Variants in GRM7 observed in about 807,000 individuals in gnomAD.
GRM7 encodes glutamate metabotropic receptor 7, also known as metabotropic glutamate receptor 7.
GRM7 carries 35 observed loss-of-function variants against 84.5 expected under a neutral mutation model. That is an observed-to-expected ratio of 0.41 (90% CI 0.32 to 0.55). The LOEUF (loss-of-function observed/expected upper bound fraction) is 0.55, where lower values mean the gene tolerates loss of function less well. Among genes scored for constraint, GRM7 ranks in the 20% least tolerant of loss-of-function variants. The pLI, the probability that GRM7 is intolerant of heterozygous loss-of-function variation, is 0.19. For synonymous variants in GRM7, 487 were observed against 455.1 expected (o/e 1.07, Z -0.89); for missense variants, 1,003 against 1,194.6 (o/e 0.84, Z 2.36).
chr3:7,247,301 A>G lies in GRM7; in HGVS notation c.737-51383A>G, dbSNP rs368559750. Reference sequence around the variant, plus strand: ...ACAAAAAATTGGTAGGCTAGACACCATAGCTCATTCCTGTAATCCCAGCAC... The same window carrying G: ...ACAAAAAATTGGTAGGCTAGACACCGTAGCTCATTCCTGTAATCCCAGCAC... On this transcript the variant is annotated intron_variant, in intron 2 of 9. Coordinates refer to ENST00000357716, the MANE Select transcript of GRM7 (RefSeq NM_000844.4). Among the ~76,000 whole-genome samples the G allele has an allele frequency of 5.9e-4, 90 of 152,258 alleles. 5 individuals are homozygous for G. The South Asian group carries it at 0.014, about 24-fold the overall frequency.
chr3:7,225,578 A>C (rs145145053), intron 2 of GRM7, among the ~76,000 whole-genome samples: 1 of 148,450 alleles, frequency 6.7e-6, no homozygotes, highest in African/African-American at 2.4e-5. Flanking sequence ...AATATTAAAG[A>C]AATTAATATA....
intron 2 of GRM7, among the ~76,000 whole-genome samples, chr3:7,180,620 C>T (rs992281250): frequency 2.0e-5 from 3 of 152,064 alleles, no homozygotes; most frequent in Non-Finnish European, 4.4e-5. Context: ...TTCAAATAGA[C>T]CCCAAGTTAA....
chr3:7,463,424 C>A (rs1438795912), intron 7 of GRM7, among the ~76,000 whole-genome samples: 1 of 152,136 alleles, frequency 6.6e-6, no homozygotes, highest in Admixed American at 6.5e-5. Context: ...AGCTATTCAA[C>A]AAGTTTTTGT....
intron 5 of GRM7, among the ~76,000 whole-genome samples, chr3:7,426,140 A>G (rs1036813140): frequency 2.8e-5 from 4 of 142,774 alleles, no homozygotes; most frequent in African/African-American, 1.1e-4. Flanking sequence ...TTTTTTTGAG[A>G]TGGAGTTTTG....
At chr3:7,334,728 A>T (rs550169372) in intron 4 of GRM7, among the ~76,000 whole-genome samples, 11 of 152,274 alleles carry the variant, frequency 7.2e-5, no homozygotes, top group South Asian at 4.1e-4. Context: ...TTAAAAAAAG[A>T]TATTCCATGC....
At chr3:7,134,095 A>G (rs909143443) in intron 1 of GRM7, among the ~76,000 whole-genome samples, 2 of 152,160 alleles carry the variant, frequency 1.3e-5, no homozygotes, top group South Asian at 2.1e-4. Context: ...GTATATTAGC[A>G]TGGAATGTGC....
chr3:7,387,961 T>C (rs1694849533), intron 4 of GRM7, among the ~76,000 whole-genome samples: 1 of 152,174 alleles, frequency 6.6e-6, no homozygotes, highest in Admixed American at 6.5e-5. Flanking sequence ...ATCTATGATT[T>C]CCTTAAGCAG....
At chr3:7,264,899 A>G (rs1412640135) in intron 2 of GRM7, among the ~76,000 whole-genome samples, 2 of 152,192 alleles carry the variant, frequency 1.3e-5, no homozygotes, top group East Asian at 3.9e-4. Context: ...CCTGCTATAG[A>G]GTTGAGAGTC....
Position 7,635,958 on chromosome 3 carries a change from G to A in GRM7, c.2452-44091G>A, listed in dbSNP as rs112209528. On this transcript the variant is annotated intron_variant, in intron 8 of 9. Transcript: ENST00000357716. The stretch of plus-strand genomic sequence containing the variant: ...CCAAAAGAACTGAGATTACAGGTGT[G>A]CGCCATTGCAGCTGGCTGTTTCAAA... Among the ~76,000 whole-genome samples, 608 of 152,260 alleles carry A rather than the reference G, an allele frequency of 4.0e-3. 6 individuals carry two copies. The highest frequency in any genetic ancestry group is 0.014 in the African/African-American group (570 of 41,544).
chr3:7,234,720 G>T (rs1697295546), intron 2 of GRM7, among the ~76,000 whole-genome samples: 1 of 152,016 alleles, frequency 6.6e-6, no homozygotes, highest in Non-Finnish European at 1.5e-5. Context: ...GTGATCATTA[G>T]TTTAAAAAAA....
At chr3:7,670,020 G>T (rs760866879) in intron 8 of GRM7, among the ~76,000 whole-genome samples, 7 of 146,958 alleles carry the variant, frequency 4.8e-5, no homozygotes, top group Non-Finnish European at 7.4e-5. Flanking sequence ...ACCCCAATGG[G>T]CAATTCAACT....
intron 5 of GRM7, among the ~76,000 whole-genome samples, chr3:7,427,723 C>T (rs1696668021): frequency 6.6e-6 from 1 of 151,960 alleles, no homozygotes; most frequent in African/African-American, 2.4e-5. Flanking sequence ...AAGGTAAAAC[C>T]CCAATTGATC....
At chr3:6,865,550 T>A (rs1227825587) in intron 1 of GRM7, among the ~76,000 whole-genome samples, 2 of 149,016 alleles carry the variant, frequency 1.3e-5, no homozygotes, top group East Asian at 3.9e-4. Context: ...CAGGTGGATT[T>A]TTTTTTTTTT....
At chr3:7,199,203 C>G (rs1695981840) in intron 2 of GRM7, among the ~76,000 whole-genome samples, 1 of 152,204 alleles carries the variant, frequency 6.6e-6, no homozygotes, top group South Asian at 2.1e-4. Flanking sequence ...CTGGTAGCCT[C>G]TGCTTTCTCT....
intron 7 of GRM7, among the ~76,000 whole-genome samples, chr3:7,532,051 G>A (rs985404151): frequency 6.6e-6 from 1 of 152,136 alleles, no homozygotes. Flanking sequence ...TCGCATAGAT[G>A]TTCATCAGGG....
chr3:7,058,400 T>G (rs1294773867), intron 1 of GRM7, among the ~76,000 whole-genome samples: 4 of 151,892 alleles, frequency 2.6e-5, no homozygotes, highest in African/African-American at 9.7e-5. Context: ...TCACATTGAT[T>G]ATGTTTAGGT....
intron 1 of GRM7, among the ~76,000 whole-genome samples, chr3:6,888,223 C>A (rs1695781150): frequency 6.6e-6 from 1 of 152,044 alleles, no homozygotes; most frequent in East Asian, 1.9e-4. Flanking sequence ...TGTGCAGAAG[C>A]TCTTTAGTTT....
At position 7,685,086 on chromosome 3, in the gene GRM7, C is replaced by T. The variant is rs80296943; in HGVS notation, c.2698+4791C>T. Among the ~76,000 whole-genome samples the T allele has an allele frequency of 4.1e-3, 628 of 152,252 alleles. 5 individuals are homozygous for T. Among genetic ancestry groups the T allele is most frequent in the African/African-American group, 0.015 (605 of 41,530 alleles). ...TATGTTCATGGCAAACTTGTAGATG[C>T]CAGATAAACAAGATGCCATGGTTGT... is the stretch of plus-strand genomic sequence containing the variant. On this transcript the variant is annotated intron_variant, in intron 9 of 9. Transcript: ENST00000357716.
At chr3:7,054,078 A>G (rs1174019446) in intron 1 of GRM7, among the ~76,000 whole-genome samples, 1 of 150,744 alleles carries the variant, frequency 6.6e-6, no homozygotes, top group Non-Finnish European at 1.5e-5. Flanking sequence ...TGCTACTACT[A>G]TAAGTATTTT....
Sources: allele counts gnomAD v4.1 joint callset (sites outside exome capture counted in the v4.1 genomes callset), GRCh38; gene constraint gnomAD v4.1.1; transcripts MANE v1.5; gene names NCBI Gene and HGNC (gene_info 2026-07-23, HGNC 2026-07-21).